LARP1B: variants seen among roughly 807,000 people sequenced by gnomAD.
The protein encoded by LARP1B is La ribonucleoprotein 1B, also known as la-related protein 1B.
A neutral mutation model predicts 114.2 loss-of-function variants in LARP1B; 76 were observed. The ratio of observed to expected loss-of-function variants is 0.67; its 90% CI spans 0.55 to 0.81. The LOEUF is 0.81. LARP1B is among the 30% of genes least tolerant of loss of function. The probability of loss-of-function intolerance (pLI) is 0.00; values close to 1 mark genes in which losing one functional copy is unlikely to be tolerated. For synonymous variants in LARP1B, 345 were observed against 348.0 expected (o/e 0.99, Z 0.10); for missense variants, 1,014 against 1,075.8 (o/e 0.94, Z 0.80).
chr4:128,121,834 G>A lies in LARP1B; in HGVS notation c.1170G>A (p.Val390=). Residue 390 remains valine, a synonymous_variant, in exon 11 of 20, where the codon GTG becomes GTA. Coordinates refer to ENST00000326639, the MANE Select transcript of LARP1B (RefSeq NM_018078.4). ...QPAPVKLRES[V]SVPEGSLNQL... ...CCAATTTCTTCCTTCAGGAATCAGT[G>A]TCTGTCCCTGAAGGGTCATTAAATC... 2 of 1,554,418 alleles carry A rather than the reference G, an allele frequency of 1.3e-6. No homozygotes were observed. The highest frequency in any genetic ancestry group is 2.3e-5 in the East Asian group (1 of 44,312).
chr4:128,189,262 CTTTTT>C (rs71587374), intron 15 of LARP1B, among the ~76,000 whole-genome samples: 1 of 85,838 alleles, frequency 1.2e-5, no homozygotes, highest in Non-Finnish European at 2.2e-5. Context: ...CTTCCGTGTC[CTTTTT>C]TTTTTTTTTT....
intron 1 of LARP1B, among the ~76,000 whole-genome samples, chr4:128,064,598 C>A (rs1350339608): frequency 1.3e-5 from 2 of 152,108 alleles, no homozygotes; most frequent in Non-Finnish European, 2.9e-5. Context: ...GTGGCAAGCA[C>A]TCTAAAATTT....
intron 14 of LARP1B, 150 bp from the exon 15 acceptor site, chr4:128,179,256 A>G (rs937370209): frequency 4.4e-6 from 2 of 457,782 alleles, no homozygotes; most frequent in East Asian, 3.5e-5. Flanking sequence ...TGTGTGTGAG[A>G]TTTTTGAGTT....
chr4:128,217,741 G>T (rs1444976486), intron 6 of LARP1B, among the ~76,000 whole-genome samples: 83 of 90,020 alleles, frequency 9.2e-4, no homozygotes, highest in South Asian at 5.1e-4. Context: ...CACAAGACAG[G>T]GATGCCCTCT....
At chr4:128,125,296 A>C (rs1789199519) in intron 11 of LARP1B, among the ~76,000 whole-genome samples, 1 of 151,994 alleles carries the variant, frequency 6.6e-6, no homozygotes. Context: ...CCAAAAGTGC[A>C]CCAAGATCTC....
At chr4:128,090,189 C>T (rs1287456174) in intron 5 of LARP1B, among the ~76,000 whole-genome samples, 2 of 151,720 alleles carry the variant, frequency 1.3e-5, no homozygotes, top group Admixed American at 6.6e-5. Flanking sequence ...TCTCCTCCTT[C>T]AGCCTCCCGA....
intron 9 of LARP1B, chr4:128,108,559 A>G (rs1009113824): frequency 2.0e-5 from 20 of 985,508 alleles, no homozygotes; most frequent in African/African-American, 5.2e-5. Flanking sequence ...TATTTTTATC[A>G]TATGTTTCTT....
At position 128,077,840 on chromosome 4, in the gene LARP1B, AAGAAG is replaced by A. The variant is rs1768610804; in HGVS notation, c.101_105del (p.Glu34GlyfsTer2). On this transcript the variant is annotated frameshift_variant, in exon 4 of 20. Coordinates refer to ENST00000326639, the MANE Select transcript of LARP1B (RefSeq NM_018078.4). LOFTEE classifies it high-confidence loss of function. ...AAAAAGCCACAAAATAGAAAAGAAAAAGAAGAGAAGGTTGAAAAGAGAAGTAACAG... is the reference window on the plus strand; with the variant it reads ...AAAAAGCCACAAAATAGAAAAGAAAAAGAAGGTTGAAAAGAGAAGTAACAG... 3 of 1,610,366 alleles carry A rather than the reference AAGAAG, an allele frequency of 1.9e-6. No individual in the cohort carries two copies. Among genetic ancestry groups the A allele is most frequent in the Non-Finnish European group, 2.5e-6 (3 of 1,178,754 alleles).
chr4:128,182,112 T>C (rs1436535183), intron 15 of LARP1B, among the ~76,000 whole-genome samples: 1 of 29,960 alleles, frequency 3.3e-5, no homozygotes, highest in East Asian at 7.3e-4. Flanking sequence ...GCACCCGGCC[T>C]TTTTTTTTTT....
chr4:128,077,976 T>C lies in LARP1B; in HGVS notation c.217+14T>C. 6.7e-7 allele frequency: 1 copy of C among 1,491,102 alleles called. No individual in the cohort carries two copies. Among genetic ancestry groups the C allele is most frequent in the African/African-American group, 1.4e-5 (1 of 70,670 alleles). The allele number at this position is 1,491,102 out of a possible 1,614,324, so 92.4% of individuals were successfully genotyped here. A position where few individuals can be genotyped will look rare whatever the true frequency, so the allele number is the denominator to read the frequency against. The stretch of plus-strand genomic sequence containing the variant: ...AACGTAAGAGAGGTCAGTTTGTCCA[T>C]ATCTTTATTTTGATTTTAGTTTTTG... On this transcript the variant is annotated intron_variant, in intron 4 of 19. Transcript: ENST00000326639.
rs141526880 is a variant in LARP1B at position 128,122,446 on chromosome 4, T to G, written c.1524+258T>G. 869 of 1,508,962 alleles carry G rather than the reference T, an allele frequency of 5.8e-4. 9 individuals are homozygous for G. The African/African-American group carries it at 0.011, about 19-fold the overall frequency. 93.5% of individuals were successfully genotyped at this position (1,508,962 alleles called of 1,614,324 possible). On this transcript the variant is annotated intron_variant, in intron 11 of 19. Coordinates refer to ENST00000326639, the MANE Select transcript of LARP1B (RefSeq NM_018078.4). Reference sequence around the variant, plus strand: ...CACTGACTTATACCCTTGTTTTTTTTTTTTTTTGTTTTGTTTTTTTTTGTT... The same window carrying G: ...CACTGACTTATACCCTTGTTTTTTTGTTTTTTTGTTTTGTTTTTTTTTGTT...
chr4:128,122,219 G>A (rs1229902091), intron 11 of LARP1B, 31 bp downstream of exon 11: 2 of 1,605,124 alleles, frequency 1.2e-6, no homozygotes, highest in Non-Finnish European at 1.7e-6. Context: ...TCTTTCTACT[G>A]ATGCTTTGTT....
At chr4:128,176,076 C>T (rs1581298446) in intron 12 of LARP1B, among the ~76,000 whole-genome samples, 1 of 146,800 alleles carries the variant, frequency 6.8e-6, no homozygotes, top group African/African-American at 2.5e-5. Context: ...CTAGGATTGT[C>T]TCTGTCTCTC....
exon 8 of LARP1B, chr4:128,222,413 C>G: frequency 2.2e-6 from 1 of 456,548 alleles, no homozygotes; most frequent in Non-Finnish European, 4.4e-6. Context: ...ATATGAGAAT[C>G]TGCCTTCCTG....
chr4:128,069,201 C>G (rs1764233667), intron 1 of LARP1B: 1 of 1,109,402 alleles, frequency 9.0e-7, no homozygotes, highest in South Asian at 1.2e-5. Context: ...AGGATTTCTT[C>G]TGATAGCTTT....
chr4:128,192,087 G>A (rs1345122827), intron 15 of LARP1B, among the ~76,000 whole-genome samples: 2 of 152,084 alleles, frequency 1.3e-5, no homozygotes, highest in African/African-American at 4.8e-5. Context: ...GGCTTTCTGT[G>A]GGAGAGTGAA....
chr4:128,123,191 C>T, intron 11 of LARP1B: 2 of 985,374 alleles, frequency 2.0e-6, no homozygotes, highest in African/African-American at 1.7e-5. Flanking sequence ...CTGCTTTTAG[C>T]CTTCTGTAAC....
At chr4:128,190,002 C>T (rs1299010378) in intron 15 of LARP1B, among the ~76,000 whole-genome samples, 1 of 152,174 alleles carries the variant, frequency 6.6e-6, no homozygotes, top group African/African-American at 2.4e-5. Flanking sequence ...CTGAATTTGT[C>T]TACTTTTACC....
chr4:128,117,763 G>A (rs1226860318), intron 10 of LARP1B, among the ~76,000 whole-genome samples: 2 of 151,628 alleles, frequency 1.3e-5, no homozygotes, highest in East Asian at 1.9e-4. Context: ...CAGGTGAACC[G>A]CTGGCCTCGG....
Sources: allele counts gnomAD v4.1 joint callset (sites outside exome capture counted in the v4.1 genomes callset), GRCh38; gene constraint gnomAD v4.1.1; transcripts MANE v1.5; gene names NCBI Gene and HGNC (gene_info 2026-07-23, HGNC 2026-07-21).